SPOCK3: variants seen among roughly 807,000 people sequenced by gnomAD.
SPOCK3 encodes the protein testican-3.
A neutral mutation model predicts 56.6 loss-of-function variants in SPOCK3; 30 were observed. That is an observed-to-expected ratio of 0.53 (90% CI 0.40 to 0.72). SPOCK3 has a LOEUF of 0.72. SPOCK3 is among the 30% of genes least tolerant of loss of function. SPOCK3 has a pLI of 0.00. For synonymous variants in SPOCK3, 196 were observed against 183.3 expected, an observed-to-expected ratio of 1.07 and a Z score of -0.56; for missense variants, 527 against 530.0, an observed-to-expected ratio of 0.99 and a Z score of 0.06.
intron 2 of SPOCK3, among the ~76,000 whole-genome samples, chr4:167,150,865 A>G (rs1291535949): frequency 6.6e-6 from 1 of 152,222 alleles, no homozygotes; most frequent in Non-Finnish European, 1.5e-5. Flanking sequence ...CAACACAATC[A>G]AGTAATCCAG....
intron 7 of SPOCK3, among the ~76,000 whole-genome samples, chr4:166,782,041 A>G (rs1466085410): frequency 1.3e-5 from 2 of 152,212 alleles, no homozygotes; most frequent in Non-Finnish European, 2.9e-5. Context: ...ACAAATAATG[A>G]CCAAATCAGG....
At chr4:166,897,704 T>A (rs142505974) in intron 5 of SPOCK3, among the ~76,000 whole-genome samples, 1 of 152,270 alleles carries the variant, frequency 6.6e-6, no homozygotes, top group Non-Finnish European at 1.5e-5. Flanking sequence ...GCAAATGGGA[T>A]AAAATTTTCA....
chr4:166,808,769 G>C (rs1743452896), intron 6 of SPOCK3, among the ~76,000 whole-genome samples: 1 of 151,994 alleles, frequency 6.6e-6, no homozygotes, highest in Non-Finnish European at 1.5e-5. Flanking sequence ...GAAATACCTA[G>C]AGTGATTCCT....
chr4:166,976,957 T>G, intron 4 of SPOCK3, among the ~76,000 whole-genome samples: 1 of 151,968 alleles, frequency 6.6e-6, no homozygotes, highest in South Asian at 2.1e-4. Context: ...AATTAAATTT[T>G]TATATGCAAA....
intron 2 of SPOCK3, among the ~76,000 whole-genome samples, chr4:167,137,536 C>A (rs1763222725): frequency 6.6e-6 from 1 of 151,818 alleles, no homozygotes; most frequent in Non-Finnish European, 1.5e-5. Context: ...TCCATATATG[C>A]TGTTTAAAAT....
chr4:167,090,141 T>C (rs181246592), intron 2 of SPOCK3, among the ~76,000 whole-genome samples: 3 of 152,318 alleles, frequency 2.0e-5, no homozygotes, highest in East Asian at 1.9e-4. Flanking sequence ...TAAATACTTA[T>C]GAGTAGGACT....
chr4:166,906,118 G>C (rs1736579828), intron 5 of SPOCK3, among the ~76,000 whole-genome samples: 1 of 151,896 alleles, frequency 6.6e-6, no homozygotes, highest in Non-Finnish European at 1.5e-5. Flanking sequence ...ATATTAAAAA[G>C]GTATAACAAA....
At chr4:166,831,751 CA>C (rs1286895570) in intron 6 of SPOCK3, among the ~76,000 whole-genome samples, 11 of 128,032 alleles carry the variant, frequency 8.6e-5, no homozygotes, top group Admixed American at 3.1e-4. Context: ...CAATGTTCTC[CA>C]TTTTTGTTTT....
At chr4:167,216,219 A>G (rs1321164666) in intron 2 of SPOCK3, among the ~76,000 whole-genome samples, 1 of 152,030 alleles carries the variant, frequency 6.6e-6, no homozygotes, top group African/African-American at 2.4e-5. Context: ...CTGATCCATT[A>G]TGTGGAGTTT....
chr4:167,219,195 C>G (rs1735656610), intron 2 of SPOCK3, among the ~76,000 whole-genome samples: 2 of 152,134 alleles, frequency 1.3e-5, no homozygotes, highest in African/African-American at 4.8e-5. Context: ...CCAAGGGCAC[C>G]TCAGGCAGCC....
At chr4:166,746,564 A>G (rs1735641228) in intron 8 of SPOCK3, among the ~76,000 whole-genome samples, 1 of 152,190 alleles carries the variant, frequency 6.6e-6, no homozygotes. Context: ...CTAACATCAC[A>G]ATTAAAAGAA....
intron 2 of SPOCK3, among the ~76,000 whole-genome samples, chr4:167,135,567 T>C (rs918697599): frequency 6.6e-6 from 1 of 152,154 alleles, no homozygotes; most frequent in Non-Finnish European, 1.5e-5. Context: ...GTGTACTATA[T>C]GAGTCATATT....
At chr4:167,008,389 AC>A (rs1172899204) in intron 3 of SPOCK3, among the ~76,000 whole-genome samples, 1 of 152,162 alleles carries the variant, frequency 6.6e-6, no homozygotes, top group African/African-American at 2.4e-5. Flanking sequence ...AAACTATATT[AC>A]TAGAGGTAAT....
At chr4:167,205,016 G>A (rs573379019) in intron 2 of SPOCK3, among the ~76,000 whole-genome samples, 2 of 142,488 alleles carry the variant, frequency 1.4e-5, no homozygotes, top group Admixed American at 7.4e-5. Context: ...TTTTTTTTTG[G>A]TAGAGAAGGT....
chr4:167,084,662 C>G (rs1202026170), intron 2 of SPOCK3, among the ~76,000 whole-genome samples: 1 of 152,058 alleles, frequency 6.6e-6, no homozygotes, highest in Non-Finnish European at 1.5e-5. Context: ...GGGATCCACA[C>G]TAAAGGAGCT....
At chr4:166,907,478 A>T (rs115032530) in intron 5 of SPOCK3, among the ~76,000 whole-genome samples, 1 of 152,132 alleles carries the variant, frequency 6.6e-6, no homozygotes, top group Admixed American at 6.6e-5. Context: ...CTTCTTTGCA[A>T]GTGTCTTTTA....
intron 2 of SPOCK3, among the ~76,000 whole-genome samples, chr4:167,137,154 T>A (rs2150392467): frequency 6.6e-6 from 1 of 152,168 alleles, no homozygotes; most frequent in Non-Finnish European, 1.5e-5. Context: ...TGAGTGCTTC[T>A]CTAAAGCAAA....
chr4:167,077,432 A>G (rs1047357948), intron 2 of SPOCK3, among the ~76,000 whole-genome samples: 3 of 151,900 alleles, frequency 2.0e-5, no homozygotes, highest in Admixed American at 2.0e-4. Flanking sequence ...GTTCTTATCT[A>G]ATTGCATCTT....
At chr4:166,824,390 C>T (rs977541572) in intron 6 of SPOCK3, among the ~76,000 whole-genome samples, 3 of 152,062 alleles carry the variant, frequency 2.0e-5, no homozygotes, top group Admixed American at 6.6e-5. Flanking sequence ...TTTTATTCCA[C>T]TCTTACAGAG....
Sources: allele counts gnomAD v4.1 joint callset (sites outside exome capture counted in the v4.1 genomes callset), GRCh38; gene constraint gnomAD v4.1.1; transcripts MANE v1.5; gene names NCBI Gene and HGNC (gene_info 2026-07-23, HGNC 2026-07-21).